The following PMVK variants were observed in gnomAD, a reference collection of about 807,000 sequenced individuals.
The protein encoded by PMVK is testis tissue sperm-binding protein Li 95mP.
PMVK carries 10 observed loss-of-function variants against 19.0 expected under a neutral mutation model. The ratio of observed to expected loss-of-function variants is 0.53; its 90% CI spans 0.32 to 0.89. The LOEUF (loss-of-function observed/expected upper bound fraction) is 0.89, where lower values mean the gene tolerates loss of function less well. PMVK is among the 40% of genes least tolerant of loss of function. PMVK has a pLI of 0.03. For missense variants in PMVK, 222 were observed against 251.1 expected (o/e 0.88, Z 0.78); for synonymous variants, 108 against 101.6 (o/e 1.06, Z -0.38).
upstream of PMVK, among the ~76,000 whole-genome samples, chr1:154,939,470 G>T (rs1364710119): frequency 6.6e-6 from 1 of 151,782 alleles, no homozygotes; most frequent in Non-Finnish European, 1.5e-5. Flanking sequence ...CAGATCACGA[G>T]GTCAGGAGAT....
chr1:154,937,028 G>T, upstream of PMVK: 1 of 219,642 alleles, frequency 4.6e-6, no homozygotes, highest in East Asian at 1.0e-4. Flanking sequence ...CACCCGGGGA[G>T]GAACCGGACG....
At chr1:154,932,653 A>C (rs746501494) in intron 1 of PMVK, among the ~76,000 whole-genome samples, 8 of 152,248 alleles carry the variant, frequency 5.3e-5, no homozygotes, top group Non-Finnish European at 1.2e-4. Context: ...AAGAGCCCTG[A>C]AACTAACAGG....
intron 1 of PMVK, 134 bp downstream of exon 1, chr1:154,936,457 C>T: frequency 6.8e-7 from 1 of 1,476,462 alleles, no homozygotes; most frequent in Non-Finnish European, 9.0e-7. Flanking sequence ...TTCCACCTTC[C>T]CCAGCCCAGT....
chr1:154,928,860 G>A, intron 3 of PMVK, among the ~76,000 whole-genome samples, 164 bp downstream of exon 3: 1 of 151,890 alleles, frequency 6.6e-6, no homozygotes, highest in South Asian at 2.1e-4. Context: ...GACCACAGAG[G>A]GCAAGAGCCA....
At chr1:154,940,062 C>T (rs1654608690), upstream of PMVK, among the ~76,000 whole-genome samples, 1 of 152,190 alleles carries the variant, frequency 6.6e-6, no homozygotes, top group Non-Finnish European at 1.5e-5. Context: ...CAGGCATGAG[C>T]CACAGCGCCC....
intron 3 of PMVK, among the ~76,000 whole-genome samples, chr1:154,927,985 T>A (rs1433089400): frequency 6.6e-6 from 1 of 152,094 alleles, no homozygotes; most frequent in East Asian, 1.9e-4. Flanking sequence ...AGCTGTAATG[T>A]AAGCTCCCTG....
intron 3 of PMVK, among the ~76,000 whole-genome samples, chr1:154,927,470 A>C (rs1246135279): frequency 1.3e-5 from 2 of 148,676 alleles, no homozygotes; most frequent in Admixed American, 6.7e-5. Context: ...AAAAAAAAAA[A>C]AAAAAACACA....
chr1:154,929,104 G>T lies in PMVK; in HGVS notation c.232C>A (p.Arg78Ser). ...YKEAFRKDMI[R>S]WGEEKRQADP... Reference sequence around the variant, plus strand: ...GCCTGGCGTTTCTCCTCTCCCCAGCGGATCATGTCCTTCCGAAAGGCCTCC... The same window carrying T: ...GCCTGGCGTTTCTCCTCTCCCCAGCTGATCATGTCCTTCCGAAAGGCCTCC... The change falls in exon 3 of 5, where the codon CGC becomes AGC. Residue 78 changes from arginine to serine, a missense_variant. Transcript: ENST00000368467. 6.2e-7 allele frequency: 1 copy of T among 1,614,064 alleles called. No homozygotes were observed. Among genetic ancestry groups the T allele is most frequent in the Non-Finnish European group, 8.5e-7 (1 of 1,179,912 alleles).
intron 1 of PMVK, among the ~76,000 whole-genome samples, chr1:154,934,915 A>G (rs1387775865): frequency 6.6e-6 from 1 of 151,986 alleles, no homozygotes; most frequent in African/African-American, 2.4e-5. Context: ...TACAAAAGTT[A>G]GCTGGGCATG....
intron 1 of PMVK, among the ~76,000 whole-genome samples, chr1:154,933,668 AT>A (rs1395874878): frequency 1.3e-5 from 2 of 150,648 alleles, no homozygotes; most frequent in African/African-American, 4.9e-5. Context: ...TAATTTTTGT[AT>A]TTTTAGTACA....
At chr1:154,935,864 AT>A (rs1403467935) in intron 1 of PMVK, among the ~76,000 whole-genome samples, 1 of 151,576 alleles carries the variant, frequency 6.6e-6, no homozygotes, top group South Asian at 2.1e-4. Flanking sequence ...TAACTTTTCC[AT>A]TTTTTTGTAG....
At chr1:154,932,311 G>T (rs148101595) in intron 2 of PMVK, 41 bp downstream of exon 2, 1 of 1,472,462 alleles carries the variant, frequency 6.8e-7, no homozygotes, top group Non-Finnish European at 9.5e-7. Context: ...TCCTGGAGCC[G>T]GCCCCGCCCA....
Position 154,925,244 on chromosome 1 carries a change from T to G in PMVK, c.464A>C (p.Glu155Ala), listed in dbSNP as rs757992952. ...FTPGVDDAES[E>A]CGLDNFGDFD... ...GTCCCCGAAGTTGTCCAGGCCACAT[T>G]CTGACTCAGCATCGTCCACCCCTAT... is the stretch of plus-strand genomic sequence containing the variant. The change falls in exon 5 of 5, where the codon GAA (glutamate) becomes GCA (alanine). Residue 155 changes from glutamate (E) to alanine (A), a missense_variant. Glu to Ala is a moderately radical substitution (Grantham distance 107). Coordinates refer to ENST00000368467, the MANE Select transcript of PMVK (RefSeq NM_006556.4). 5 of 1,614,118 alleles carry G rather than the reference T, an allele frequency of 3.1e-6. No individual in the cohort carries two copies. Among genetic ancestry groups the G allele is most frequent in the Non-Finnish European group, 4.2e-6 (5 of 1,179,986 alleles).
At chr1:154,932,329 G>C in intron 2 of PMVK, 23 bp downstream of exon 2, 1 of 1,592,954 alleles carries the variant, frequency 6.3e-7, no homozygotes, top group Non-Finnish European at 8.6e-7. Flanking sequence ...CCAACACACC[G>C]GATGCCACAA....
At chr1:154,935,496 G>A (rs1318015734) in intron 1 of PMVK, among the ~76,000 whole-genome samples, 1 of 152,164 alleles carries the variant, frequency 6.6e-6, no homozygotes. Flanking sequence ...TATTTGGGGA[G>A]GCAGCCAGAT....
chr1:154,936,478 C>A, intron 1 of PMVK, 113 bp downstream of exon 1: 3 of 1,500,246 alleles, frequency 2.0e-6, no homozygotes, highest in East Asian at 2.5e-5. Flanking sequence ...GCTCCTCCTG[C>A]CTTGCAAACG....
intron 2 of PMVK, among the ~76,000 whole-genome samples, chr1:154,930,265 C>G (rs1654293897): frequency 6.6e-6 from 1 of 152,148 alleles, no homozygotes; most frequent in East Asian, 1.9e-4. Flanking sequence ...CAAGACCAGC[C>G]TGACCAATAT....
chr1:154,934,984 C>A (rs2101973491), intron 1 of PMVK, among the ~76,000 whole-genome samples: 1 of 147,278 alleles, frequency 6.8e-6, no homozygotes, highest in East Asian at 2.0e-4. Context: ...ATCGCTTGAA[C>A]CCAGGAGACA....
chr1:154,925,492 C>T (rs1009818105), intron 4 of PMVK, among the ~76,000 whole-genome samples: 9 of 152,334 alleles, frequency 5.9e-5, no homozygotes, highest in East Asian at 1.9e-4. Context: ...TGACTTAATC[C>T]TTCACTTGCT....
Sources: allele counts gnomAD v4.1 joint callset (sites outside exome capture counted in the v4.1 genomes callset), GRCh38; gene constraint gnomAD v4.1.1; transcripts MANE v1.5; gene names NCBI Gene and HGNC (gene_info 2026-07-23, HGNC 2026-07-21).